Variants in ABCB11 observed in about 807,000 individuals in gnomAD.
ABCB11 encodes the protein ATP binding cassette subfamily B member 11, also known as bile salt export pump.
ABCB11 carries 95 observed loss-of-function variants against 148.0 expected under a neutral mutation model. The ratio of observed to expected loss-of-function variants is 0.64; its 90% CI spans 0.54 to 0.76. ABCB11 has a LOEUF of 0.76. ABCB11 is among the 30% of genes least tolerant of loss of function. The pLI, the probability that ABCB11 is intolerant of heterozygous loss-of-function variation, is 0.00. For missense variants in ABCB11, 1,523 were observed against 1,617.8 expected, an observed-to-expected ratio of 0.94 and a Z score of 1.01; for synonymous variants, 591 against 555.4, an observed-to-expected ratio of 1.06 and a Z score of -0.90.
intron 2 of ABCB11, 171 bp downstream of exon 2, chr2:169,017,879 G>T (rs1204816050): frequency 1.3e-6 from 1 of 768,346 alleles, no homozygotes; most frequent in African/African-American, 1.7e-5. Flanking sequence ...CAGATATTAC[G>T]TTACATGGAT....
chr2:168,937,049 T>G (rs1261230789), intron 21 of ABCB11, among the ~76,000 whole-genome samples: 1 of 151,974 alleles, frequency 6.6e-6, no homozygotes, highest in African/African-American at 2.4e-5. Flanking sequence ...CCACTACACC[T>G]GCTAATTTTT....
At chr2:169,030,555 A>G (rs189134069) in intron 1 of ABCB11, among the ~76,000 whole-genome samples, 51 of 152,320 alleles carry the variant, frequency 3.3e-4, no homozygotes, top group African/African-American at 1.2e-3. Flanking sequence ...AATGTTGACA[A>G]ATACTGTCTT....
chr2:168,974,692 T>A (rs536784550), intron 12 of ABCB11, among the ~76,000 whole-genome samples: 7 of 151,926 alleles, frequency 4.6e-5, no homozygotes, highest in Non-Finnish European at 1.0e-4. Flanking sequence ...TAAATACATA[T>A]AGGTTTAAGT....
intron 21 of ABCB11, 44 bp from the exon 22 acceptor site, chr2:168,936,477 C>T: frequency 1.9e-6 from 3 of 1,591,316 alleles, no homozygotes; most frequent in South Asian, 2.2e-5. Context: ...CACACAGTCG[C>T]TTTTACCAAT....
rs1191428620 is a variant in ABCB11 at position 169,018,154 on chromosome 2, TATAAA to T, written c.-27-7_-27-3del. 13 of 1,607,678 alleles carry T rather than the reference TATAAA, an allele frequency of 8.1e-6. No individual in the cohort carries two copies. Among genetic ancestry groups the T allele is most frequent in the Middle Eastern group, 1.7e-4 (1 of 5,948 alleles). ...AATTGCAACCCACAGCCAACGACCC[TATAAA>T]ATAAAATAAAAGAATCATTGCAATT... is the stretch of plus-strand genomic sequence containing the variant. On this transcript the variant is annotated splice_region_variant and splice_polypyrimidine_tract_variant and intron_variant, in intron 1 of 27. Transcript: ENST00000650372.
At chr2:168,924,290 C>T (rs1170720909) in intron 27 of ABCB11, among the ~76,000 whole-genome samples, 1 of 152,158 alleles carries the variant, frequency 6.6e-6, no homozygotes, top group Non-Finnish European at 1.5e-5. Flanking sequence ...TCAGATATCA[C>T]CTCTTTCTTT....
intron 1 of ABCB11, among the ~76,000 whole-genome samples, chr2:169,027,448 AATCTT>A (rs1294464405): frequency 2.0e-5 from 3 of 152,192 alleles, no homozygotes; most frequent in Non-Finnish European, 4.4e-5. Context: ...TAAAATGTGT[AATCTT>A]ATCAACACAG....
intron 1 of ABCB11, among the ~76,000 whole-genome samples, chr2:169,021,041 C>T (rs574545150): frequency 4.9e-4 from 75 of 152,028 alleles, no homozygotes; most frequent in Non-Finnish European, 8.5e-4. Context: ...TGGCTCACTG[C>T]AACCTCCACC....
In ABCB11 at chr2:168,973,795, C is replaced by T; in HGVS notation, c.1354G>A (p.Ala452Thr). The T allele has an allele frequency of 6.2e-7, 1 of 1,612,092 alleles. No homozygotes were observed. The change falls in exon 13 of 28, where the codon GCT (alanine) becomes ACT (threonine). Residue 452 changes from alanine to threonine, a missense_variant. Ala to Thr is a moderately conservative substitution (Grantham distance 58). Coordinates refer to ENST00000650372, the MANE Select transcript of ABCB11 (RefSeq NM_003742.4). ...NMVIKPGEMT[A>T]LVGPSGAGKS... ...CCAGCTCCACTGGGTCCTACCAGAG[C>T]TGTCATTTCCCCTGGTTTAATGACC...
intron 21 of ABCB11, among the ~76,000 whole-genome samples, chr2:168,943,340 G>T (rs2105910059): frequency 6.6e-6 from 1 of 152,082 alleles, no homozygotes; most frequent in East Asian, 1.9e-4. Context: ...CACTGATTGA[G>T]TGATTACATT....
At chr2:169,024,988 C>A (rs1282398626) in intron 1 of ABCB11, among the ~76,000 whole-genome samples, 1 of 151,794 alleles carries the variant, frequency 6.6e-6, no homozygotes, top group Non-Finnish European at 1.5e-5. Flanking sequence ...GTAACATTTG[C>A]CGGTTACACA....
intron 27 of ABCB11, among the ~76,000 whole-genome samples, chr2:168,924,246 G>T (rs186564252): frequency 5.5e-4 from 84 of 152,158 alleles, no homozygotes; most frequent in African/African-American, 2.0e-3. Flanking sequence ...ATTGTGTTTT[G>T]CTCAATTGCA....
intron 5 of ABCB11, among the ~76,000 whole-genome samples, chr2:169,011,719 C>A (rs375946704): frequency 2.7e-4 from 41 of 152,152 alleles, no homozygotes; most frequent in Admixed American, 9.2e-4. Context: ...ATTCTGTCAC[C>A]CATGTAATCA....
At chr2:169,015,337 G>T (rs1258612108) in intron 3 of ABCB11, among the ~76,000 whole-genome samples, 1 of 152,164 alleles carries the variant, frequency 6.6e-6, no homozygotes, top group African/African-American at 2.4e-5. Flanking sequence ...CACAGGCAGA[G>T]TCTAGTACTC....
At chr2:168,989,460 C>G (rs1270021396) in intron 9 of ABCB11, among the ~76,000 whole-genome samples, 1 of 152,054 alleles carries the variant, frequency 6.6e-6, no homozygotes, top group Non-Finnish European at 1.5e-5. Context: ...TTTCTGGGCT[C>G]TCCATTCTTT....
chr2:168,923,375 G>T lies in ABCB11; in HGVS notation c.*247C>A. 1 of 559,122 alleles carries T rather than the reference G, an allele frequency of 1.8e-6. No individual in the cohort carries two copies. The highest frequency in any genetic ancestry group is 2.3e-5 in the South Asian group (1 of 43,392). 34.6% of individuals were successfully genotyped at this position (559,122 alleles called of 1,614,324 possible). ...TGGCTGAGCTGCCACTTGACATTGG[G>T]TTTTCCCTCATATGGACCCTAGTTT... On this transcript the variant is annotated 3_prime_UTR_variant, in exon 28 of 28. Coordinates refer to ENST00000650372, the MANE Select transcript of ABCB11 (RefSeq NM_003742.4).
Position 169,000,595 on chromosome 2 carries a change from GTCTATT to G in ABCB11, c.390-3879_390-3874del, listed in dbSNP as rs1466198067. 3.3e-5 allele frequency among the ~76,000 whole-genome samples: 5 copies of G among 152,098 alleles called. No individual in the cohort carries two copies. The South Asian group carries it at 1.0e-3, about 32-fold the overall frequency. On this transcript the variant is annotated intron_variant, in intron 5 of 27. Coordinates refer to ENST00000650372, the MANE Select transcript of ABCB11 (RefSeq NM_003742.4). The stretch of plus-strand genomic sequence containing the variant: ...AAATCAATTGGACATATTTGTGTGG[GTCTATT>G]TCTGAGTTCTCCATTCTGTTCCATT...
At chr2:168,951,579 G>T (rs1369370907) in intron 19 of ABCB11, among the ~76,000 whole-genome samples, 2 of 151,430 alleles carry the variant, frequency 1.3e-5, no homozygotes, top group Non-Finnish European at 3.0e-5. Flanking sequence ...AAACACTATT[G>T]ATTTCTGTAA....
intron 13 of ABCB11, among the ~76,000 whole-genome samples, 198 bp from the exon 14 acceptor site, chr2:168,972,248 C>T (rs189052383): frequency 1.5e-4 from 23 of 152,070 alleles, no homozygotes; most frequent in African/African-American, 5.5e-4. Flanking sequence ...CAGAACAATT[C>T]ATTGTGGAAA....
Sources: allele counts gnomAD v4.1 joint callset (sites outside exome capture counted in the v4.1 genomes callset), GRCh38; gene constraint gnomAD v4.1.1; transcripts MANE v1.5; gene names NCBI Gene and HGNC (gene_info 2026-07-23, HGNC 2026-07-21).